TASOR2: variants seen among roughly 807,000 people sequenced by gnomAD.
The protein encoded by TASOR2 is transcription activation suppressor family member 2.
In TASOR2, 84 loss-of-function variants were observed where a neutral mutation model predicts 199.5. That is an observed-to-expected ratio of 0.42 (90% CI 0.35 to 0.50). The LOEUF is 0.50. Ranked by LOEUF, TASOR2 falls within the 20% of genes least tolerant of loss-of-function variation. The pLI, the probability that TASOR2 is intolerant of heterozygous loss-of-function variation, is 0.02. For synonymous variants in TASOR2, 1,103 were observed against 1,046.6 expected, an observed-to-expected ratio of 1.05 and a Z score of -1.04; for missense variants, 2,796 against 2,835.9, an observed-to-expected ratio of 0.99 and a Z score of 0.32.
rs1306096775 is a variant in TASOR2, at chr10:5,750,644, TTTACATAAAGG to T, written c.6606+620_6606+630del. On this transcript the variant is annotated intron_variant, in intron 15 of 20. Coordinates refer to ENST00000328090, the Ensembl canonical transcript of TASOR2. This position sits in a 1 kb window ranked among gnomAD's most constrained non-coding sequence, Gnocchi z 5.4. ...AAATTTAATTGTTTTTAATTTCAAATTTACATAAAGGTTGCAGAAATAGTACCCTTTACCCA... is the reference window on the plus strand; with the variant it reads ...AAATTTAATTGTTTTTAATTTCAAATTTGCAGAAATAGTACCCTTTACCCA... Among the ~76,000 whole-genome samples the T allele has an allele frequency of 1.3e-5, 2 of 152,212 alleles. No homozygotes were observed. The highest frequency in any genetic ancestry group is 2.4e-5 in the African/African-American group (1 of 41,460).
rs1174001710 is a variant in TASOR2 at position 5,738,799 on chromosome 10, A to G, written c.1448-819A>G. Among the ~76,000 whole-genome samples, 1 of 152,212 alleles carries G rather than the reference A, an allele frequency of 6.6e-6. No homozygotes were observed. Among genetic ancestry groups the G allele is most frequent in the African/African-American group, 2.4e-5 (1 of 41,458 alleles). ...AGCAGAGTTGTGAAGTTTATCCTTC[A>G]TAATAACAGCATTTAGGAAGGAATA... On this transcript the variant is annotated intron_variant, in intron 12 of 20. Coordinates refer to ENST00000328090, the Ensembl canonical transcript of TASOR2. The surrounding 1 kb of genome is among the most constrained non-coding windows in gnomAD (Gnocchi z 4.7).
chr10:5,715,741 C>T (rs1370387736), intron 2 of TASOR2, among the ~76,000 whole-genome samples: 1 of 152,012 alleles, frequency 6.6e-6, no homozygotes, highest in East Asian at 1.9e-4. Context: ...CTCCTTGGTT[C>T]AAGTGATTCT....
Position 5,690,613 on chromosome 10 carries a change from A to G in TASOR2, c.-288+5438A>G, listed in dbSNP as rs2131488587. Among the ~76,000 whole-genome samples the G allele has an allele frequency of 6.6e-6, 1 of 152,342 alleles. No individual in the cohort carries two copies. The highest frequency in any genetic ancestry group is 6.5e-5 in the Admixed American group (1 of 15,306). ...GTCACGTTCTCTTTTGCCATATGTA[A>G]TAATCAAGAGTACCCAAAAGTGGGT... On this transcript the variant is annotated intron_variant, in intron 1 of 20. Transcript: ENST00000328090. The surrounding 1 kb of genome is among the most constrained non-coding windows in gnomAD (Gnocchi z 4.8).
At chr10:5,684,973 C>T in exon 1 of TASOR2, 1 of 397,752 alleles carries the variant, frequency 2.5e-6, no homozygotes, top group Non-Finnish European at 4.4e-6. Context: ...TGTCAGCGCC[C>T]GCGGCGAGGA....
intron 1 of TASOR2, among the ~76,000 whole-genome samples, chr10:5,694,405 C>G (rs761759025): frequency 6.6e-6 from 1 of 152,186 alleles, no homozygotes; most frequent in Non-Finnish European, 1.5e-5. Flanking sequence ...AGGCACTGTT[C>G]TGAGCACTGG....
exon 21 of TASOR2, chr10:5,763,124 A>C: frequency 6.6e-6 from 8 of 1,211,348 alleles, no homozygotes; most frequent in Non-Finnish European, 9.5e-6. Flanking sequence ...TACACATGTG[A>C]ACAGTCTTAC....
chr10:5,748,875 G>A lies in TASOR2; in HGVS notation c.5454G>A (p.Val1818=), dbSNP rs1250682974. The change falls in exon 15 of 21, where the codon GTG becomes GTA. Residue 1818 remains valine (V), a synonymous_variant. Transcript: ENST00000328090. The surrounding 1 kb of genome is among the most constrained non-coding windows in gnomAD (Gnocchi z 5.1). ...TAGGCAGAGATGGAGAGGTCGGTGT[G>A]AATTCCGACATGCACTATGAACTCT... The A allele has an allele frequency of 1.2e-6, 2 of 1,614,056 alleles. No individual in the cohort carries two copies. The highest frequency in any genetic ancestry group is 2.7e-5 in the African/African-American group (2 of 74,926).
chr10:5,728,618 TAAAAA>T (rs890855834), intron 10 of TASOR2, among the ~76,000 whole-genome samples: 1 of 144,822 alleles, frequency 6.9e-6, no homozygotes, highest in African/African-American at 2.5e-5. Context: ...TCAAAAAAAT[TAAAAA>T]AAAAAACAAA....
At position 5,708,779 on chromosome 10, in the gene TASOR2, G is replaced by T. The variant is rs186197909; in HGVS notation, c.-287-4044G>T. On this transcript the variant is annotated intron_variant, in intron 1 of 20. Coordinates refer to ENST00000328090, the Ensembl canonical transcript of TASOR2. Reference sequence around the variant, plus strand: ...TTCAGGGGTGCAATCTCAGCTCACTGCAACTTCTTCCCCCCAGACTCAAGC... The same window carrying T: ...TTCAGGGGTGCAATCTCAGCTCACTTCAACTTCTTCCCCCCAGACTCAAGC... Among the ~76,000 whole-genome samples the T allele has an allele frequency of 5.1e-4, 78 of 151,712 alleles. No individual in the cohort carries two copies. In the Middle Eastern group the frequency reaches 0.01, roughly 20 times the overall value.
In TASOR2 at chr10:5,691,189, C is replaced by CAA. The variant is rs369679242; in HGVS notation, c.-288+6028_-288+6029dup. ...CTGACGACAGAGTGAGACTCCGTCTCAAAAAAAAAAAAAAAGAAAGTTATA... is the reference window on the plus strand; with the variant it reads ...CTGACGACAGAGTGAGACTCCGTCTCAAAAAAAAAAAAAAAAAGAAAGTTATA... On this transcript the variant is annotated intron_variant, in intron 1 of 20. Transcript: ENST00000328090. Among the ~76,000 whole-genome samples the CAA allele has an allele frequency of 2.2e-3, 216 of 100,184 alleles. 1 individual carries two copies. Among genetic ancestry groups the CAA allele is most frequent in the African/African-American group, 5.5e-3 (132 of 23,966 alleles). The allele number at this position is 100,184 out of a possible 152,430, so 65.7% of individuals were successfully genotyped here.
intron 1 of TASOR2, among the ~76,000 whole-genome samples, chr10:5,691,389 C>T (rs200389248): frequency 6.6e-6 from 1 of 151,496 alleles, no homozygotes; most frequent in African/African-American, 2.4e-5. Context: ...ATATTAAATC[C>T]AAAAATAAGC....
intron 8 of TASOR2, among the ~76,000 whole-genome samples, chr10:5,725,533 A>G (rs940038809): frequency 2.0e-5 from 3 of 152,018 alleles, no homozygotes; most frequent in African/African-American, 7.2e-5. Context: ...TTGGGAGGCC[A>G]AGGTGGGAGG....
At chr10:5,691,096 TGG>T (rs35825152) in intron 1 of TASOR2, among the ~76,000 whole-genome samples, 43,329 of 148,070 alleles carry the variant, frequency 0.29, 6,362 homozygotes, top group South Asian at 0.35. Context: ...GAGGCTGAGG[TGG>T]GGGAATCGCT....
chr10:5,713,295 G>T (rs1434871500), intron 2 of TASOR2, among the ~76,000 whole-genome samples: 1 of 152,006 alleles, frequency 6.6e-6, no homozygotes, highest in African/African-American at 2.4e-5. Context: ...TTTGATTTGG[G>T]AGATAAATCA....
At chr10:5,692,169 TATTC>T (rs1324244402) in intron 1 of TASOR2, among the ~76,000 whole-genome samples, 1 of 96,466 alleles carries the variant, frequency 1.0e-5, no homozygotes, top group African/African-American at 3.9e-5. Flanking sequence ...AAAAAAGCCA[TATTC>T]ATTATGACTT....
Position 5,746,147 on chromosome 10 carries a change from A to ATTT in TASOR2, c.2758-19_2758-17dup, listed in dbSNP as rs59659624. 1.6e-3 allele frequency: 2,274 copies of ATTT among 1,388,212 alleles called. 1 individual carries two copies. Among genetic ancestry groups the ATTT allele is most frequent in the Non-Finnish European group, 1.8e-3 (1,843 of 1,048,320 alleles). The allele number at this position is 1,388,212 out of a possible 1,614,324, so 86.0% of individuals were successfully genotyped here. ...GTATAAAAAACATTTTATATGACTG[A>ATTT]TTTTTTTTTTTTTTTACTTTGGCCG... On this transcript the variant is annotated intron_variant, in intron 14 of 20. Transcript: ENST00000328090.
chr10:5,713,582 G>A (rs1588682630), intron 2 of TASOR2, among the ~76,000 whole-genome samples: 1 of 152,078 alleles, frequency 6.6e-6, no homozygotes, highest in Non-Finnish European at 1.5e-5. Flanking sequence ...ATATAATAAG[G>A]ACTATATAGT....
intron 1 of TASOR2, among the ~76,000 whole-genome samples, chr10:5,691,048 G>A (rs1009510808): frequency 2.0e-5 from 3 of 151,932 alleles, no homozygotes; most frequent in Admixed American, 6.6e-5. Context: ...AAAATTAGCC[G>A]GGCATGATGG....
chr10:5,726,317 A>C (rs749043417), intron 8 of TASOR2, among the ~76,000 whole-genome samples: 3 of 152,208 alleles, frequency 2.0e-5, no homozygotes, highest in Non-Finnish European at 4.4e-5. Context: ...TGAAGACTCT[A>C]ATAGAGGGGA....
Sources: allele counts gnomAD v4.1 joint callset (sites outside exome capture counted in the v4.1 genomes callset), GRCh38; gene constraint gnomAD v4.1.1; non-coding constraint Gnocchi (gnomAD v3.1); transcripts MANE v1.5; gene names NCBI Gene and HGNC (gene_info 2026-07-23, HGNC 2026-07-21).